Variants in C1orf167 observed in about 807,000 individuals in gnomAD.
C1orf167 encodes chromosome 1 open reading frame 167.
C1orf167 carries 153 observed loss-of-function variants against 176.5 expected under a neutral mutation model. The observed-to-expected ratio is 0.87, with a 90% CI of 0.76 to 0.99. The LOEUF (loss-of-function observed/expected upper bound fraction) is 0.99. Ranked by LOEUF, C1orf167 falls within the 50% of genes least tolerant of loss-of-function variation. The pLI is 0.00. For missense variants in C1orf167, 1,490 were observed against 1,817.7 expected, an observed-to-expected ratio of 0.82 and a Z score of 3.28; for synonymous variants, 594 against 752.7, an observed-to-expected ratio of 0.79 and a Z score of 3.45.
In C1orf167 at chr1:11,785,294, G is replaced by GC; in HGVS notation, c.3567+9dup. On this transcript the variant is annotated splice_donor_region_variant and intron_variant, in intron 16 of 20. Coordinates refer to ENST00000688073, the MANE Select transcript of C1orf167 (RefSeq NM_001010881.2). ...GGACTGCCAGGGGCCGGCAAGGTACGCCCCAAGCCCCAGACTGACCTCACG... is the reference window on the plus strand; with the variant it reads ...GGACTGCCAGGGGCCGGCAAGGTACGCCCCCAAGCCCCAGACTGACCTCACG... 1 of 1,281,806 alleles carries GC rather than the reference G, an allele frequency of 7.8e-7. No homozygotes were observed. Among genetic ancestry groups the GC allele is most frequent in the African/African-American group, 1.5e-5 (1 of 65,764 alleles). 79.4% of individuals were successfully genotyped at this position (1,281,806 alleles called of 1,614,324 possible).
chr1:11,779,947 G>A lies in C1orf167; in HGVS notation c.2797G>A (p.Ala933Thr). The change falls in exon 13 of 21, where the codon GCC becomes ACC. Residue 933 changes from alanine to threonine, a missense_variant. Transcript: ENST00000688073. ...LLQSRLVEWW[A>T]QERGWRLARD... ...GCAGTCACGGCTGGTGGAGTGGTGGGCCCAGGAGCGGGGCTGGCGGCTGGC... is the reference window on the plus strand; with the variant it reads ...GCAGTCACGGCTGGTGGAGTGGTGGACCCAGGAGCGGGGCTGGCGGCTGGC... 3.8e-6 allele frequency: 5 copies of A among 1,299,774 alleles called. No individual in the cohort carries two copies. Among genetic ancestry groups the A allele is most frequent in the Non-Finnish European group, 3.0e-6 (3 of 986,688 alleles). 80.5% of individuals were successfully genotyped at this position (1,299,774 alleles called of 1,614,324 possible).
intron 2 of C1orf167, 46 bp downstream of exon 2, chr1:11,764,516 C>A: frequency 2.3e-6 from 3 of 1,278,638 alleles, no homozygotes; most frequent in Non-Finnish European, 2.0e-6. Context: ...GGAGCAGGGC[C>A]CTCTCTAGGT....
At position 11,779,053 on chromosome 1, in the gene C1orf167, G is replaced by A. The variant is rs939142065; in HGVS notation, c.2624G>A (p.Arg875Lys). 2 of 1,275,368 alleles carry A rather than the reference G, an allele frequency of 1.6e-6. 1 individual carries two copies. Among genetic ancestry groups the A allele is most frequent in the African/African-American group, 3.1e-5 (2 of 65,110 alleles). 79.0% of individuals were successfully genotyped at this position (1,275,368 alleles called of 1,614,324 possible). ...ARAQQFQGTA[R>K]WYQHTRQRRI... is the part of the protein sequence containing the mutation. ...GCCCAGCAGTTCCAGGGCACAGCCA[G>A]GTGGTACCAGCATACCCGCCAGAGG... is the stretch of plus-strand genomic sequence containing the variant. Residue 875 changes from arginine (R) to lysine (K), a missense_variant, in exon 12 of 21, where the codon AGG becomes AAG. Coordinates refer to ENST00000688073, the MANE Select transcript of C1orf167 (RefSeq NM_001010881.2).
intron 20 of C1orf167, 174 bp from the exon 21 acceptor site, chr1:11,789,096 C>A: frequency 1.9e-6 from 1 of 536,642 alleles, no homozygotes; most frequent in Non-Finnish European, 3.0e-6. Context: ...AGCTCACCAT[C>A]AGATCTATTC....
intron 9 of C1orf167, 63 bp downstream of exon 9, chr1:11,775,673 C>T (rs144960001): frequency 4.8e-6 from 6 of 1,244,694 alleles, no homozygotes; most frequent in Non-Finnish European, 6.2e-6. Context: ...TTCAGTGGTC[C>T]CCAGTTGAAT....
In C1orf167 at chr1:11,768,192, C is replaced by A; in HGVS notation, c.1459C>A (p.Gln487Lys). The A allele has an allele frequency of 7.8e-7, 1 of 1,289,742 alleles. No homozygotes were observed. The highest frequency in any genetic ancestry group is 1.0e-6 in the Non-Finnish European group (1 of 988,752). 79.9% of individuals were successfully genotyped at this position (1,289,742 alleles called of 1,614,324 possible). The part of the protein sequence containing the change: ...GRWQLLRKCL[Q>K]ALWLREAQLE... The stretch of plus-strand genomic sequence containing the variant: ...CTGGCAGCTGTTGCGAAAGTGCCTT[C>A]AGGCCTTGTGGCTCCGGGAGGCTCA... The change falls in exon 5 of 21, where the codon CAG (glutamine) becomes AAG (lysine). Residue 487 changes from glutamine to lysine, a missense_variant. Gln to Lys is a moderately conservative substitution (Grantham distance 53, BLOSUM62 1). Transcript: ENST00000688073. The surrounding 1 kb of genome is among the most constrained non-coding windows in gnomAD (Gnocchi z 4.5).
Position 11,785,426 on chromosome 1 carries a change from C to G in C1orf167, c.3567+137C>G, listed in dbSNP as rs909787843. On this transcript the variant is annotated intron_variant, in intron 16 of 20. Coordinates refer to ENST00000688073, the MANE Select transcript of C1orf167 (RefSeq NM_001010881.2). ...GGGCGGGAGGTCCAAAAATGACCCTCGGACCACCGGCCTTAGAATCAGCTT... is the reference window on the plus strand; with the variant it reads ...GGGCGGGAGGTCCAAAAATGACCCTGGGACCACCGGCCTTAGAATCAGCTT... 14 of 979,948 alleles carry G rather than the reference C, an allele frequency of 1.4e-5. No individual in the cohort carries two copies. The African/African-American group carries it at 2.2e-4, about 16-fold the overall frequency. 60.7% of individuals were successfully genotyped at this position (979,948 alleles called of 1,614,324 possible). A position where few individuals can be genotyped will look rare whatever the true frequency, so the allele number is the denominator to read the frequency against.
intron 10 of C1orf167, chr1:11,777,891 C>T (rs1643397605): frequency 6.6e-6 from 1 of 152,318 alleles, no homozygotes; most frequent in Non-Finnish European, 1.5e-5. Context: ...CCGGGGCACC[C>T]TCCTGGGCCT....
At chr1:11,779,242 C>G (rs547422054) in intron 12 of C1orf167, 162 bp downstream of exon 12, 2 of 628,872 alleles carry the variant, frequency 3.2e-6, no homozygotes, top group East Asian at 8.8e-5. Context: ...GAGAGGGTGT[C>G]GGGGAGTGGT....
chr1:11,783,661 C>T (rs1643694619), intron 14 of C1orf167, among the ~76,000 whole-genome samples: 1 of 152,170 alleles, frequency 6.6e-6, no homozygotes, highest in South Asian at 2.1e-4. Flanking sequence ...GACTTGAACC[C>T]ATACTGCTGG....
In C1orf167 at chr1:11,779,870, C is replaced by T. The variant is rs1400218236; in HGVS notation, c.2720C>T (p.Ala907Val). The part of the protein sequence containing the change: ...WAWRELASHR[A>V]WDRTCRAVLG... The stretch of plus-strand genomic sequence containing the variant: ...TGGAGAGAGCTGGCTTCCCACCGGG[C>T]CTGGGATCGGACCTGCAGGGCTGTG... The change falls in exon 13 of 21, where the codon GCC becomes GTC. Residue 907 changes from alanine (A) to valine (V), a missense_variant. Coordinates refer to ENST00000688073, the MANE Select transcript of C1orf167 (RefSeq NM_001010881.2). 1.9e-5 allele frequency: 25 copies of T among 1,303,286 alleles called. No individual in the cohort carries two copies. Among genetic ancestry groups the T allele is most frequent in the Non-Finnish European group, 2.1e-5 (21 of 988,888 alleles). The allele number at this position is 1,303,286 out of a possible 1,614,324, so 80.7% of individuals were successfully genotyped here.
Position 11,787,860 on chromosome 1 carries a change from CT to C in C1orf167, c.3674-12del, listed in dbSNP as rs1368070021. On this transcript the variant is annotated splice_polypyrimidine_tract_variant and intron_variant, in intron 17 of 20. Coordinates refer to ENST00000688073, the MANE Select transcript of C1orf167 (RefSeq NM_001010881.2). ...CCCACCTTAACCTCTTGTGACTCAA[CT>C]CCCCTTTCCAGGGTGCAGGGAACAT... 2 of 1,208,738 alleles carry C rather than the reference CT, an allele frequency of 1.7e-6. No individual in the cohort carries two copies. Among genetic ancestry groups the C allele is most frequent in the Non-Finnish European group, 2.1e-6 (2 of 941,756 alleles). 74.9% of individuals were successfully genotyped at this position (1,208,738 alleles called of 1,614,324 possible). A position where few individuals can be genotyped will look rare whatever the true frequency, so the allele number is the denominator to read the frequency against.
In C1orf167 at chr1:11,768,743, G is replaced by A. The variant is rs1394653362; in HGVS notation, c.1543-230G>A. 2.6e-5 allele frequency among the ~76,000 whole-genome samples: 4 copies of A among 152,154 alleles called. No individual in the cohort carries two copies. The East Asian group carries it at 7.7e-4, about 29-fold the overall frequency. On this transcript the variant is annotated intron_variant, in intron 5 of 20. Coordinates refer to ENST00000688073, the MANE Select transcript of C1orf167 (RefSeq NM_001010881.2). This position sits in a 1 kb window ranked among gnomAD's most constrained non-coding sequence, Gnocchi z 4.5. ...GGTGCTCTGAGAGGGTCCAGTCGCA[G>A]CTTTCATCTTTTAAGGAAAGCGTTG... is the stretch of plus-strand genomic sequence containing the variant.
At chr1:11,764,131 A>T (rs988354512) in intron 1 of C1orf167, among the ~76,000 whole-genome samples, 200 bp from the exon 2 acceptor site, 3 of 152,068 alleles carry the variant, frequency 2.0e-5, no homozygotes, top group Admixed American at 1.3e-4. Flanking sequence ...GCAGCATTTG[A>T]CCTGGACACT....
intron 13 of C1orf167, among the ~76,000 whole-genome samples, chr1:11,781,138 C>G (rs1345874662): frequency 1.3e-5 from 2 of 150,602 alleles, no homozygotes; most frequent in Non-Finnish European, 2.9e-5. Context: ...GCTGGGATTA[C>G]AGGCGCCTGC....
At chr1:11,769,305 C>G (rs1642941025) in intron 6 of C1orf167, among the ~76,000 whole-genome samples, 178 bp downstream of exon 6, 1 of 152,178 alleles carries the variant, frequency 6.6e-6, no homozygotes, top group Non-Finnish European at 1.5e-5. Flanking sequence ...TTCAAAACAG[C>G]CAGGCACGGT....
chr1:11,780,032 G>T (rs1189948477), intron 13 of C1orf167, 22 bp downstream of exon 13: 1 of 1,253,084 alleles, frequency 8.0e-7, no homozygotes, highest in Non-Finnish European at 1.0e-6. Context: ...CTTGGTCGGG[G>T]GCACTGCGGG....
At chr1:11,762,911 A>T (rs576014677) in intron 1 of C1orf167, among the ~76,000 whole-genome samples, 1 of 152,334 alleles carries the variant, frequency 6.6e-6, no homozygotes, top group Admixed American at 6.5e-5. Flanking sequence ...CCGCAAGTGC[A>T]GGGCAAAGAG....
In C1orf167 at chr1:11,776,581, C is replaced by T. The variant is rs1288621607; in HGVS notation, c.2282C>T (p.Ala761Val). ...CTGCAGGATGCCTGCTGGACACTGG[C>T]CCTCTGCTGGGCGCTGCTGCTGTGG... ...GSLQDACWTL[A>V]LCWALLLWKM... Residue 761 changes from alanine to valine, a missense_variant, in exon 10 of 21, where the codon GCC (alanine) becomes GTC (valine). Coordinates refer to ENST00000688073, the MANE Select transcript of C1orf167 (RefSeq NM_001010881.2). 8 of 1,235,894 alleles carry T rather than the reference C, an allele frequency of 6.5e-6. No individual in the cohort carries two copies. Among genetic ancestry groups the T allele is most frequent in the African/African-American group, 1.6e-5 (1 of 62,716 alleles). The allele number at this position is 1,235,894 out of a possible 1,614,324, so 76.6% of individuals were successfully genotyped here. A position where few individuals can be genotyped will look rare whatever the true frequency, so the allele number is the denominator to read the frequency against.
Sources: gnomAD v4.1 joint callset for allele counts (sites outside exome capture counted in the v4.1 genomes callset) on GRCh38, gnomAD v4.1.1 for gene constraint, Gnocchi (gnomAD v3.1) non-coding constraint, MANE v1.5 for transcripts, NCBI Gene and HGNC (gene_info 2026-07-23, HGNC 2026-07-21) for gene names.